FHIT: variants seen among roughly 807,000 people sequenced by gnomAD.
The protein encoded by FHIT is fragile histidine triad diadenosine triphosphatase.
Under a neutral mutation model 17.9 loss-of-function variants are expected in FHIT, and 19 were observed. The ratio of observed to expected loss-of-function variants is 1.06; its 90% confidence interval spans 0.74 to 1.56. The LOEUF (loss-of-function observed/expected upper bound fraction) is 1.56, where lower values mean the gene tolerates loss of function less well. Ranked by LOEUF, FHIT falls within the 40% of genes most tolerant of loss-of-function variation. The probability of loss-of-function intolerance (pLI) is 0.00; values close to 1 mark genes in which losing one functional copy is unlikely to be tolerated. For missense variants in FHIT, 248 were observed against 189.2 expected (o/e 1.31, Z -1.82); for synonymous variants, 81 against 69.7 (o/e 1.16, Z -0.81).
intron 3 of FHIT, among the ~76,000 whole-genome samples, chr3:60,931,248 A>C (rs1468380302): frequency 2.0e-5 from 3 of 152,126 alleles, no homozygotes; most frequent in African/African-American, 7.2e-5. Flanking sequence ...TAGCGTTAGG[A>C]GATATACCTA....
At chr3:60,038,570 T>C (rs559029023) in intron 5 of FHIT, among the ~76,000 whole-genome samples, 63 of 152,338 alleles carry the variant, frequency 4.1e-4, no homozygotes, top group African/African-American at 1.3e-3. Flanking sequence ...GTTGTTTTCA[T>C]GAGTTGTGCC....
intron 4 of FHIT, among the ~76,000 whole-genome samples, chr3:60,787,941 G>A (rs1700641164): frequency 6.6e-6 from 1 of 152,152 alleles, no homozygotes; most frequent in Non-Finnish European, 1.5e-5. Context: ...GCTGTCTCTT[G>A]TTCCTGAGTA....
chr3:61,164,654 T>G (rs1281808530), intron 2 of FHIT, among the ~76,000 whole-genome samples: 1 of 152,224 alleles, frequency 6.6e-6, no homozygotes, highest in African/African-American at 2.4e-5. Context: ...GTTTCAACTT[T>G]TATTTTAGAT....
chr3:60,913,095 C>T, intron 3 of FHIT, among the ~76,000 whole-genome samples: 1 of 152,202 alleles, frequency 6.6e-6, no homozygotes, highest in East Asian at 1.9e-4. Context: ...TGCCACAAAG[C>T]ATCCATGTTG....
At chr3:61,113,443 T>G (rs1385038259) in intron 2 of FHIT, among the ~76,000 whole-genome samples, 1 of 152,200 alleles carries the variant, frequency 6.6e-6, no homozygotes, top group Non-Finnish European at 1.5e-5. Context: ...TTAGTCACTT[T>G]CCACTAAATA....
intron 7 of FHIT, among the ~76,000 whole-genome samples, chr3:59,980,010 T>A (rs902260116): frequency 6.6e-6 from 1 of 152,184 alleles, no homozygotes. Flanking sequence ...ATACACCATA[T>A]TGACTTTTCT....
chr3:60,640,832 A>C (rs1338679557), intron 4 of FHIT, among the ~76,000 whole-genome samples: 1 of 152,240 alleles, frequency 6.6e-6, no homozygotes, highest in African/African-American at 2.4e-5. Context: ...TAAACATACT[A>C]AAGTATTTAT....
intron 8 of FHIT, among the ~76,000 whole-genome samples, chr3:59,816,544 C>A (rs1700605990): frequency 6.6e-6 from 1 of 152,082 alleles, no homozygotes; most frequent in Non-Finnish European, 1.5e-5. Flanking sequence ...GGAATGAGAG[C>A]CATCTGGGAT....
chr3:60,909,761 G>A (rs895568677), intron 3 of FHIT, among the ~76,000 whole-genome samples: 3 of 152,114 alleles, frequency 2.0e-5, no homozygotes, highest in Non-Finnish European at 4.4e-5. Flanking sequence ...TGAATTCTAG[G>A]TAAACATACA....
intron 5 of FHIT, among the ~76,000 whole-genome samples, chr3:60,253,669 A>AAT (rs1705839385): frequency 6.6e-6 from 1 of 152,180 alleles, no homozygotes; most frequent in Non-Finnish European, 1.5e-5. Context: ...TCCAATACTT[A>AAT]ATATATGACT....
chr3:61,066,984 G>A (rs1227715331), intron 2 of FHIT, among the ~76,000 whole-genome samples: 2 of 152,184 alleles, frequency 1.3e-5, no homozygotes, highest in Admixed American at 1.3e-4. Context: ...ATTGCCTGTA[G>A]TGCTGTTACT....
intron 3 of FHIT, among the ~76,000 whole-genome samples, chr3:61,021,416 G>A (rs553135987): frequency 4.2e-5 from 6 of 144,050 alleles, no homozygotes; most frequent in South Asian, 2.4e-4. Flanking sequence ...CAGCTAAAAC[G>A]GTGAAACCCC....
At chr3:60,385,453 A>G (rs1700971054) in intron 5 of FHIT, among the ~76,000 whole-genome samples, 1 of 152,266 alleles carries the variant, frequency 6.6e-6, no homozygotes, top group South Asian at 2.1e-4. Context: ...CAAACTAGAC[A>G]TAAAGGTGCT....
At chr3:60,901,354 G>A (rs958200339) in intron 3 of FHIT, among the ~76,000 whole-genome samples, 1 of 152,158 alleles carries the variant, frequency 6.6e-6, no homozygotes, top group Admixed American at 6.5e-5. Context: ...TCAAAGTCAA[G>A]GATGTAGCCA....
intron 1 of FHIT, among the ~76,000 whole-genome samples, chr3:61,201,954 G>GTA (rs906669462): frequency 2.7e-5 from 4 of 149,600 alleles, no homozygotes; most frequent in South Asian, 2.1e-4. Context: ...GTGTATGTGT[G>GTA]TATATATATG....
At chr3:60,633,460 G>A (rs1285524431) in intron 4 of FHIT, among the ~76,000 whole-genome samples, 1 of 152,140 alleles carries the variant, frequency 6.6e-6, no homozygotes, top group Non-Finnish European at 1.5e-5. Flanking sequence ...TAAGTATAAA[G>A]CGGTAATCTG....
chr3:59,788,292 C>T (rs1357665114), intron 8 of FHIT, among the ~76,000 whole-genome samples: 1 of 152,178 alleles, frequency 6.6e-6, no homozygotes. Flanking sequence ...TCAATTGAAT[C>T]ATCCTGACAG....
At chr3:60,894,194 T>C (rs11715674) in intron 3 of FHIT, among the ~76,000 whole-genome samples, 25,625 of 152,222 alleles carry the variant, frequency 0.17, 2,627 homozygotes, top group Non-Finnish European at 0.23. Flanking sequence ...TAACCTCGTG[T>C]ATAGTTAACC....
chr3:60,696,454 G>T (rs2041116086), intron 4 of FHIT, among the ~76,000 whole-genome samples: 1 of 152,140 alleles, frequency 6.6e-6, no homozygotes. Flanking sequence ...TCAAGTGCTT[G>T]CCATGCAAAA....
Sources: allele counts gnomAD v4.1 joint callset (sites outside exome capture counted in the v4.1 genomes callset), GRCh38; gene constraint gnomAD v4.1.1; transcripts MANE v1.5; gene names NCBI Gene and HGNC (gene_info 2026-07-23, HGNC 2026-07-21).